The following PARD3 variants were observed in gnomAD, a reference collection of about 807,000 sequenced individuals.
PARD3 encodes the protein par-3 family cell polarity regulator.
In PARD3, 75 loss-of-function variants were observed where a neutral mutation model predicts 155.4. The ratio of observed to expected loss-of-function variants is 0.48; its 90% CI spans 0.40 to 0.58. The LOEUF (loss-of-function observed/expected upper bound fraction) is 0.58. Among genes scored for constraint, PARD3 ranks in the 20% least tolerant of loss-of-function variants. PARD3 has a pLI of 0.00. For missense variants in PARD3, 1,642 were observed against 1,721.7 expected, an observed-to-expected ratio of 0.95 and a Z score of 0.82; for synonymous variants, 576 against 610.5, an observed-to-expected ratio of 0.94 and a Z score of 0.83.
At chr10:34,281,515 C>A (rs749934646) in intron 21 of PARD3, among the ~76,000 whole-genome samples, 2 of 152,096 alleles carry the variant, frequency 1.3e-5, no homozygotes, top group Non-Finnish European at 2.9e-5. Context: ...CAGTGATCTT[C>A]CTAGTCCATT....
intron 1 of PARD3, among the ~76,000 whole-genome samples, chr10:34,718,711 C>A (rs908560893): frequency 5.3e-5 from 8 of 152,168 alleles, no homozygotes; most frequent in African/African-American, 1.4e-4. Flanking sequence ...GCCTGTAATC[C>A]CAGCACTTCG....
chr10:34,124,633 T>C (rs572368204), intron 23 of PARD3, among the ~76,000 whole-genome samples: 1 of 152,282 alleles, frequency 6.6e-6, no homozygotes, highest in African/African-American at 2.4e-5. Context: ...GGGTCTTGAA[T>C]GTTGAAAAGC....
At position 34,188,348 on chromosome 10, in the gene PARD3, C is replaced by T. The variant is rs551171691; in HGVS notation, c.3420-56765G>A. Among the ~76,000 whole-genome samples, 6 of 152,184 alleles carry T rather than the reference C, an allele frequency of 3.9e-5. No individual in the cohort carries two copies. The South Asian group carries it at 1.2e-3, about 32-fold the overall frequency. ...TTCTGAATATTATATTGATCTAGAC[C>T]TTTTTAACTCAGGAATGTGTCTCCC... is the stretch of plus-strand genomic sequence containing the variant. On this transcript the variant is annotated intron_variant, in intron 22 of 24. Coordinates refer to ENST00000374788, the MANE Select transcript of PARD3 (RefSeq NM_001184785.2).
At chr10:34,258,983 C>T (rs574854362) in intron 22 of PARD3, among the ~76,000 whole-genome samples, 4 of 152,088 alleles carry the variant, frequency 2.6e-5, no homozygotes, top group South Asian at 2.1e-4. Flanking sequence ...GTGGGAGAAG[C>T]GCTTGGGCCC....
intron 22 of PARD3, among the ~76,000 whole-genome samples, chr10:34,248,647 C>G (rs1221103666): frequency 6.6e-6 from 1 of 152,180 alleles, no homozygotes. Flanking sequence ...ACAATAGCAC[C>G]TCCCAGCACC....
chr10:34,511,289 T>A (rs548339606), intron 3 of PARD3, among the ~76,000 whole-genome samples: 5 of 152,320 alleles, frequency 3.3e-5, no homozygotes, highest in Non-Finnish European at 7.3e-5. Flanking sequence ...ATGTTGTGTT[T>A]TTTTCATCAG....
At chr10:34,197,406 C>T (rs1480960057) in intron 22 of PARD3, among the ~76,000 whole-genome samples, 1 of 152,180 alleles carries the variant, frequency 6.6e-6, no homozygotes. Context: ...ACTACACGTT[C>T]TCCTCTCAGA....
At chr10:34,148,610 G>C (rs1016100497) in intron 22 of PARD3, among the ~76,000 whole-genome samples, 6 of 152,110 alleles carry the variant, frequency 3.9e-5, no homozygotes, top group Non-Finnish European at 8.8e-5. Context: ...TTTGGAGAAG[G>C]TATGGGGGTG....
intron 3 of PARD3, among the ~76,000 whole-genome samples, chr10:34,495,160 A>C (rs761365808): frequency 6.6e-5 from 10 of 150,982 alleles, no homozygotes; most frequent in Non-Finnish European, 1.2e-4. Context: ...CTGTACCCAT[A>C]AACAAAAAAA....
At chr10:34,506,779 T>C (rs2081092089) in intron 3 of PARD3, among the ~76,000 whole-genome samples, 1 of 152,172 alleles carries the variant, frequency 6.6e-6, no homozygotes, top group African/African-American at 2.4e-5. Flanking sequence ...ACAACAAAAA[T>C]CACCATGTTA....
At chr10:34,320,643 AT>A (rs1279576405) in intron 19 of PARD3, among the ~76,000 whole-genome samples, 5 of 152,170 alleles carry the variant, frequency 3.3e-5, no homozygotes, top group Admixed American at 2.0e-4. Context: ...ATTCAAAATA[AT>A]TTTCTGGTGT....
At chr10:34,462,455 A>G (rs1203183746) in intron 4 of PARD3, among the ~76,000 whole-genome samples, 2 of 152,160 alleles carry the variant, frequency 1.3e-5, no homozygotes, top group African/African-American at 4.8e-5. Context: ...AACTTTTAAA[A>G]ACGTAATTTA....
chr10:34,145,384 A>G (rs1948459253), intron 22 of PARD3, among the ~76,000 whole-genome samples: 1 of 151,086 alleles, frequency 6.6e-6, no homozygotes, highest in Admixed American at 6.6e-5. Context: ...TATTTCTCTA[A>G]TAATCTATCC....
At chr10:34,347,902 C>T (rs1479314186) in intron 15 of PARD3, 63 bp downstream of exon 15, 11 of 1,348,628 alleles carry the variant, frequency 8.2e-6, no homozygotes, top group Non-Finnish European at 1.1e-5. Flanking sequence ...CACCAATAAC[C>T]TCTCAGTAAA....
At chr10:34,377,462 C>T (rs1055151039) in intron 10 of PARD3, among the ~76,000 whole-genome samples, 8 of 152,012 alleles carry the variant, frequency 5.3e-5, no homozygotes, top group Non-Finnish European at 8.8e-5. Flanking sequence ...TGGTGGTGCA[C>T]GCCTGTAGTC....
intron 15 of PARD3, chr10:34,345,338 C>T (rs11009743): frequency 0.026 from 25,488 of 985,162 alleles, 670 homozygotes; most frequent in African/African-American, 0.13. Flanking sequence ...CTCAAAGCTC[C>T]GTTTAGCCTA....
At position 34,494,656 on chromosome 10, in the gene PARD3, A is replaced by G. The variant is rs145381487; in HGVS notation, c.403+22323T>C. ...GGACTTTTATTTAATGATCATTTAA[A>G]TGCTCAATTCCACTAATACAAACAT... On this transcript the variant is annotated intron_variant, in intron 3 of 24. Coordinates refer to ENST00000374788, the MANE Select transcript of PARD3 (RefSeq NM_001184785.2). Among the ~76,000 whole-genome samples the G allele has an allele frequency of 1.2e-4, 18 of 152,360 alleles. 1 individual carries two copies. Among genetic ancestry groups the G allele is most frequent in the African/African-American group, 4.1e-4 (17 of 41,578 alleles).
At chr10:34,261,942 T>C (rs1184439485) in intron 22 of PARD3, among the ~76,000 whole-genome samples, 1 of 152,196 alleles carries the variant, frequency 6.6e-6, no homozygotes, top group Non-Finnish European at 1.5e-5. Flanking sequence ...ACAATGGACA[T>C]TATAAATGCC....
chr10:34,520,273 C>T (rs1363577493), intron 2 of PARD3, among the ~76,000 whole-genome samples: 2 of 152,038 alleles, frequency 1.3e-5, no homozygotes, highest in African/African-American at 2.4e-5. Flanking sequence ...AACCTGCTGA[C>T]GTATAGATAG....
Sources: gnomAD v4.1 joint callset for allele counts (sites outside exome capture counted in the v4.1 genomes callset) on GRCh38, gnomAD v4.1.1 for gene constraint, MANE v1.5 for transcripts, NCBI Gene and HGNC (gene_info 2026-07-23, HGNC 2026-07-21) for gene names.